The following PINX1 variants were observed in gnomAD, a reference collection of about 807,000 sequenced individuals.
PINX1 encodes the protein PIN2/TERF1-interacting telomerase inhibitor 1.
PINX1 carries 34 observed loss-of-function variants against 25.4 expected under a neutral mutation model. That is an observed-to-expected ratio of 1.34 (90% CI 1.02 to 1.78). PINX1 has a LOEUF of 1.78. Ranked by LOEUF, PINX1 falls within the 40% of genes most tolerant of loss-of-function variation. The pLI, the probability that PINX1 is intolerant of heterozygous loss-of-function variation, is 0.00. For synonymous variants in PINX1, 197 were observed against 147.7 expected (o/e 1.33, Z -2.42); for missense variants, 592 against 404.9 (o/e 1.46, Z -3.97).
intron 6 of PINX1, among the ~76,000 whole-genome samples, chr8:10,776,779 T>C (rs969752717): frequency 2.0e-5 from 3 of 152,178 alleles, no homozygotes; most frequent in African/African-American, 7.2e-5. Flanking sequence ...GTCGCCACCC[T>C]GCTCCCTTCA....
intron 5 of PINX1, chr8:10,821,959 G>A (rs1438836772): frequency 6.6e-6 from 1 of 152,188 alleles, no homozygotes; most frequent in Non-Finnish European, 1.5e-5. Flanking sequence ...AAAGTCAAAG[G>A]GAAAACTGTC....
chr8:10,839,850 T>C lies in PINX1; in HGVS notation c.-94A>G, dbSNP rs977768939. The C allele has an allele frequency of 7.2e-6, 9 of 1,258,136 alleles. No individual in the cohort carries two copies. The highest frequency in any genetic ancestry group is 6.1e-5 in the African/African-American group (4 of 65,828). 77.9% of individuals were successfully genotyped at this position (1,258,136 alleles called of 1,614,324 possible). On this transcript the variant is annotated 5_prime_UTR_variant, in exon 1 of 7. Coordinates refer to ENST00000314787, the MANE Select transcript of PINX1 (RefSeq NM_017884.6). ...CCAGGAGAATCAGGACGTGCGTAAC[T>C]CCCTCGCCGGCGGACTGCAGCGGAC...
intron 6 of PINX1, among the ~76,000 whole-genome samples, chr8:10,810,591 G>A (rs879285761): frequency 5.3e-5 from 8 of 152,134 alleles, no homozygotes; most frequent in East Asian, 1.9e-4. Flanking sequence ...TAGATATGAG[G>A]AAATATAAAA....
In PINX1 at chr8:10,765,364, A is replaced by C; in HGVS notation, c.*37T>G. 1 of 1,538,842 alleles carries C rather than the reference A, an allele frequency of 6.5e-7. No homozygotes were observed. The highest frequency in any genetic ancestry group is 8.7e-7 in the Non-Finnish European group (1 of 1,148,434). On this transcript the variant is annotated 3_prime_UTR_variant, in exon 7 of 7. Transcript: ENST00000314787. ...AGGTGTCTGCCCCCGCAGTGCCCTG[A>C]CAGCTGAGTGGTCGGAAGGCCCCGG...
chr8:10,790,621 T>A (rs1486897818), intron 6 of PINX1, among the ~76,000 whole-genome samples: 7 of 152,110 alleles, frequency 4.6e-5, no homozygotes, highest in Non-Finnish European at 7.4e-5. Flanking sequence ...AAGCTGCCCC[T>A]TTCTCTTTGG....
intron 6 of PINX1, among the ~76,000 whole-genome samples, chr8:10,804,634 G>A (rs1802379758): frequency 6.6e-6 from 1 of 151,956 alleles, no homozygotes; most frequent in Non-Finnish European, 1.5e-5. Context: ...AGGCTACTTA[G>A]GATTACAATT....
intron 6 of PINX1, among the ~76,000 whole-genome samples, chr8:10,795,388 G>A (rs1454113941): frequency 1.3e-5 from 2 of 152,176 alleles, no homozygotes; most frequent in African/African-American, 4.8e-5. Context: ...GTCACCTTAA[G>A]TAAAAATTAA....
rs555710282 is a variant in PINX1 at position 10,804,116 on chromosome 8, A to G, written c.471+16077T>C. On this transcript the variant is annotated intron_variant, in intron 6 of 6. Coordinates refer to ENST00000314787, the MANE Select transcript of PINX1 (RefSeq NM_017884.6). ...TGTCATATGGGCAGAAGAGGAAGAC[A>G]CACACTGTTGAAAGGACAGCATGCC... Among the ~76,000 whole-genome samples, 3 of 152,332 alleles carry G rather than the reference A, an allele frequency of 2.0e-5. No homozygotes were observed. The South Asian group carries it at 6.2e-4, about 32-fold the overall frequency.
intron 5 of PINX1, chr8:10,825,586 AAGGAAT>A: frequency 2.5e-6 from 1 of 393,380 alleles, no homozygotes; most frequent in Non-Finnish European, 5.2e-6. Context: ...GGTGGTGATG[AAGGAAT>A]AGGAATTCTC....
intron 6 of PINX1, among the ~76,000 whole-genome samples, chr8:10,782,246 G>A (rs1245417880): frequency 6.6e-6 from 1 of 152,008 alleles, no homozygotes; most frequent in Non-Finnish European, 1.5e-5. Context: ...CTGTACCTTA[G>A]CTCTCTGCAC....
intron 6 of PINX1, among the ~76,000 whole-genome samples, chr8:10,810,710 C>A (rs1797483493): frequency 6.6e-6 from 1 of 152,184 alleles, no homozygotes; most frequent in African/African-American, 2.4e-5. Context: ...AAACAAGTAA[C>A]CAAATGTCTG....
In PINX1 at chr8:10,765,053, G is replaced by GACACAC. The variant is rs34143365; in HGVS notation, c.*342_*347dup. ...GGAACCGAGAGCAAACGGAGATAGT[G>GACACAC]ACACACACACACACACACAGATGCG... On this transcript the variant is annotated 3_prime_UTR_variant, in exon 7 of 7. Coordinates refer to ENST00000314787, the MANE Select transcript of PINX1 (RefSeq NM_017884.6). 2.5e-5 allele frequency: 5 copies of GACACAC among 202,060 alleles called. No individual in the cohort carries two copies. Among genetic ancestry groups the GACACAC allele is most frequent in the African/African-American group, 4.7e-5 (2 of 42,954 alleles). The allele number at this position is 202,060 out of a possible 1,614,324, so 12.5% of individuals were successfully genotyped here. A position where few individuals can be genotyped will look rare whatever the true frequency, so the allele number is the denominator to read the frequency against.
intron 1 of PINX1, among the ~76,000 whole-genome samples, chr8:10,836,288 A>G (rs190186775): frequency 6.6e-6 from 1 of 152,346 alleles, no homozygotes; most frequent in East Asian, 1.9e-4. Flanking sequence ...TTTTGCAGAA[A>G]AAAAAAGGTG....
intron 6 of PINX1, among the ~76,000 whole-genome samples, chr8:10,773,584 A>G (rs1290882975): frequency 6.6e-6 from 1 of 152,254 alleles, no homozygotes. Context: ...ACTTTAGTAG[A>G]GAAATACACA....
chr8:10,836,863 T>C (rs1798421463), intron 1 of PINX1, among the ~76,000 whole-genome samples: 1 of 152,250 alleles, frequency 6.6e-6, no homozygotes, highest in African/African-American at 2.4e-5. Flanking sequence ...CCTGCTTCCC[T>C]GGAACATTTC....
At chr8:10,806,535 G>C (rs1255458984) in intron 6 of PINX1, among the ~76,000 whole-genome samples, 1 of 152,172 alleles carries the variant, frequency 6.6e-6, no homozygotes, top group Non-Finnish European at 1.5e-5. Flanking sequence ...TGATGGATGA[G>C]AAAAGGGTTT....
chr8:10,778,810 C>A (rs764644605), intron 6 of PINX1, among the ~76,000 whole-genome samples: 1 of 152,196 alleles, frequency 6.6e-6, no homozygotes, highest in East Asian at 1.9e-4. Context: ...ATGAGTAGTT[C>A]TCTTGTTAAA....
chr8:10,838,443 T>G (rs551315644), intron 1 of PINX1, among the ~76,000 whole-genome samples: 1 of 152,356 alleles, frequency 6.6e-6, no homozygotes, highest in African/African-American at 2.4e-5. Context: ...TACTTCAGAC[T>G]TTTCAAACTA....
At chr8:10,818,857 G>C (rs1286481095) in intron 6 of PINX1, among the ~76,000 whole-genome samples, 2 of 152,206 alleles carry the variant, frequency 1.3e-5, no homozygotes, top group Non-Finnish European at 2.9e-5. Flanking sequence ...AGTCAAGGAA[G>C]AGGGGTTGGA....
Sources: gnomAD v4.1 joint callset for allele counts (sites outside exome capture counted in the v4.1 genomes callset) on GRCh38, gnomAD v4.1.1 for gene constraint, MANE v1.5 for transcripts, NCBI Gene and HGNC (gene_info 2026-07-23, HGNC 2026-07-21) for gene names.